ZC3H4: variants seen among roughly 807,000 people sequenced by gnomAD.
ZC3H4 encodes zinc finger CCCH-type containing 4, also known as zinc finger CCCH domain-containing protein 4.
ZC3H4 carries 13 observed loss-of-function variants against 108.3 expected under a neutral mutation model. The ratio of observed to expected loss-of-function variants is 0.12; its 90% confidence interval spans 0.08 to 0.19. The LOEUF (loss-of-function observed/expected upper bound fraction) is 0.19, where lower values mean the gene tolerates loss of function less well. ZC3H4 is among the 10% of genes least tolerant of loss of function. The probability of loss-of-function intolerance (pLI) is 1.00; values close to 1 mark genes in which losing one functional copy is unlikely to be tolerated. For missense variants in ZC3H4, 1,734 were observed against 1,838.8 expected (o/e 0.94, Z 1.04); for synonymous variants, 917 against 749.6 (o/e 1.22, Z -3.65).
intron 2 of ZC3H4, among the ~76,000 whole-genome samples, chr19:47,101,378 T>C (rs912735735): frequency 6.6e-6 from 1 of 151,272 alleles, no homozygotes; most frequent in Non-Finnish European, 1.5e-5. Context: ...GCAACACAGT[T>C]AGACCCCGTC....
chr19:47,110,200 A>T (rs906250514), intron 2 of ZC3H4, among the ~76,000 whole-genome samples: 1 of 152,074 alleles, frequency 6.6e-6, no homozygotes, highest in South Asian at 2.1e-4. Context: ...TACTTGAACC[A>T]ATCTTTTTTG....
rs764449574 is a variant in ZC3H4 at position 47,067,361 on chromosome 19, G to A, written c.2907C>T (p.Ser969=). Residue 969 remains serine (S), a synonymous_variant, in exon 15 of 15, where the codon AGC becomes AGT. Transcript: ENST00000253048. This position sits in a 1 kb window ranked among gnomAD's most constrained non-coding sequence, Gnocchi z 6.4. ...FSHIKKDVTL[S]KPSFARTVLW... The stretch of plus-strand genomic sequence containing the variant: ...GCACGGTGCGGGCGAAGCTGGGCTT[G>A]CTCAGGGTCACGTCCTTCTTGATGT... 1.9e-6 allele frequency: 3 copies of A among 1,606,720 alleles called. No individual in the cohort carries two copies. The highest frequency in any genetic ancestry group is 2.6e-6 in the Non-Finnish European group (3 of 1,175,926).
intron 2 of ZC3H4, among the ~76,000 whole-genome samples, chr19:47,095,935 T>G (rs16980830): frequency 0.011 from 1,694 of 152,224 alleles, 22 homozygotes; most frequent in African/African-American, 0.04. Flanking sequence ...CAAATGGAGC[T>G]ATCTCTGCGG....
rs753734389 is a variant in ZC3H4 at position 47,066,908 on chromosome 19, G to A, written c.3360C>T (p.Pro1120=). The change falls in exon 15 of 15, where the codon CCC becomes CCT. Residue 1120 remains proline, a synonymous_variant. Coordinates refer to ENST00000253048, the MANE Select transcript of ZC3H4 (RefSeq NM_015168.2). ...SGDASPPATA[P]YDPRVLAAGG... is the part of the protein sequence containing the mutation. ...CGGCCGCCAGCACGCGGGGGTCGTAGGGAGCGGTGGCTGGTGGGGAGGCAT... is the reference window on the plus strand; with the variant it reads ...CGGCCGCCAGCACGCGGGGGTCGTAAGGAGCGGTGGCTGGTGGGGAGGCAT... The A allele has an allele frequency of 4.4e-6, 7 of 1,597,026 alleles. No individual in the cohort carries two copies. Among genetic ancestry groups the A allele is most frequent in the Non-Finnish European group, 5.9e-6 (7 of 1,176,778 alleles).
chr19:47,099,750 TCTAGA>T (rs1309213555), intron 2 of ZC3H4, among the ~76,000 whole-genome samples: 2 of 149,214 alleles, frequency 1.3e-5, no homozygotes, highest in African/African-American at 2.5e-5. Context: ...ATGGCAGCTC[TCTAGA>T]CAAGAGGGTT....
In ZC3H4 at chr19:47,094,604, C is replaced by T; in HGVS notation, c.166G>A (p.Asp56Asn). Residue 56 changes from aspartate (D) to asparagine (N), a missense_variant, in exon 3 of 15, where the codon GAT becomes AAT. Physicochemically the swap from Asp to Asn is conservative, Grantham distance 23. This residue lies in a region of ZC3H4 where 112 missense variants were observed against 73.3 expected (regional missense o/e 1.53). Transcript: ENST00000253048. Reference protein sequence around the residue: ...HRLPLPDDREDGELEEGELED... With the variant: ...HRLPLPDDRENGELEEGELED... ...AATTCACCTTCTTCCAACTCTCCAT[C>T]TTCCCTACAAACAAACCCCAATCCC... 6.2e-7 allele frequency: 1 copy of T among 1,614,130 alleles called. No individual in the cohort carries two copies. Among genetic ancestry groups the T allele is most frequent in the Non-Finnish European group, 8.5e-7 (1 of 1,179,992 alleles).
chr19:47,111,363 C>G (rs904774284), intron 2 of ZC3H4, among the ~76,000 whole-genome samples: 2 of 152,144 alleles, frequency 1.3e-5, no homozygotes, highest in Non-Finnish European at 2.9e-5. Flanking sequence ...GGGGGGCCCG[C>G]GTTTCGGACT....
chr19:47,068,292 T>C (rs2057256669), intron 14 of ZC3H4, among the ~76,000 whole-genome samples: 1 of 152,216 alleles, frequency 6.6e-6, no homozygotes, highest in South Asian at 2.1e-4. Flanking sequence ...GCCCCCACTG[T>C]GGCAAGTCCA....
At chr19:47,113,279 AGGGGAG>A (rs2058064166) in intron 1 of ZC3H4, 1 of 153,398 alleles carries the variant, frequency 6.5e-6, no homozygotes, top group Admixed American at 6.5e-5. Context: ...GGCGAGGCCG[AGGGGAG>A]GCGGAAATAG....
At chr19:47,111,488 G>A (rs892427956) in intron 2 of ZC3H4, among the ~76,000 whole-genome samples, 9 of 152,186 alleles carry the variant, frequency 5.9e-5, no homozygotes, top group African/African-American at 1.9e-4. Flanking sequence ...GGGAACCCCA[G>A]GAGAAAGCGC....
In ZC3H4 at chr19:47,067,987, G is replaced by A. The variant is rs955559746; in HGVS notation, c.2399-118C>T. On this transcript the variant is annotated intron_variant, in intron 14 of 14. Transcript: ENST00000253048. The surrounding 1 kb of genome is among the most constrained non-coding windows in gnomAD (Gnocchi z 6.4). ...TTGCTTGTGCCTCTCAGAACCTCAG[G>A]TCCTCCTCTCTAAGGCTCCCTCCCC... The A allele has an allele frequency of 1.1e-5, 11 of 1,017,954 alleles. No homozygotes were observed. The African/African-American group carries it at 1.3e-4, about 12-fold the overall frequency. 63.1% of individuals were successfully genotyped at this position (1,017,954 alleles called of 1,614,324 possible).
rs1306533854 is a variant in ZC3H4, at chr19:47,081,573, A to T, written c.1380T>A (p.Gly460=). The T allele has an allele frequency of 1.2e-6, 2 of 1,614,212 alleles. No individual in the cohort carries two copies. The highest frequency in any genetic ancestry group is 2.7e-5 in the African/African-American group (2 of 75,062). Residue 460 remains glycine (G), a synonymous_variant, in exon 11 of 15, where the codon GGT becomes GGA. Coordinates refer to ENST00000253048, the MANE Select transcript of ZC3H4 (RefSeq NM_015168.2). ...LYHTTGNCIN[G]DDCMFSHDPL... is the part of the protein sequence containing the mutation. ...GGTCGTGGGAAAACATGCAGTCGTC[A>T]CCATTGATGCAGTTCCCAGTGGTGT...
intron 2 of ZC3H4, chr19:47,110,836 C>T: frequency 6.7e-6 from 6 of 893,834 alleles, no homozygotes; most frequent in Non-Finnish European, 6.7e-6. Flanking sequence ...GGCTGCGATT[C>T]CCAGGACGAT....
chr19:47,100,396 T>A (rs2057887741), intron 2 of ZC3H4, among the ~76,000 whole-genome samples: 1 of 152,244 alleles, frequency 6.6e-6, no homozygotes, highest in Admixed American at 6.5e-5. Context: ...TCAGGTGTCA[T>A]CATAGCCTGC....
At chr19:47,110,364 CAAGG>C (rs2058022258) in intron 2 of ZC3H4, among the ~76,000 whole-genome samples, 3 of 152,064 alleles carry the variant, frequency 2.0e-5, no homozygotes, top group Admixed American at 6.5e-5. Context: ...AGAAGGATGC[CAAGG>C]GTCTGAAAAC....
intron 9 of ZC3H4, 146 bp from the exon 10 acceptor site, chr19:47,082,441 G>A: frequency 6.2e-6 from 4 of 644,208 alleles, no homozygotes; most frequent in Non-Finnish European, 1.1e-5. Context: ...GAAGACAGGT[G>A]TAGGAAGGGC....
At position 47,067,126 on chromosome 19, in the gene ZC3H4, G is replaced by C; in HGVS notation, c.3142C>G (p.Arg1048Gly). The change falls in exon 15 of 15, where the codon CGC (arginine) becomes GGC (glycine). Residue 1048 changes from arginine to glycine, a missense_variant. Physicochemically the swap from Arg to Gly is moderately radical, Grantham distance 125 (BLOSUM62 -2). Coordinates refer to ENST00000253048, the MANE Select transcript of ZC3H4 (RefSeq NM_015168.2). The surrounding 1 kb of genome is among the most constrained non-coding windows in gnomAD (Gnocchi z 6.4). ...ANLPDFELLS[R>G]ILKTVNATGS... ...GTGGCATTGACTGTCTTGAGGATGCGAGACAGAAGTTCAAAGTCGGGGAGG... is the reference window on the plus strand; with the variant it reads ...GTGGCATTGACTGTCTTGAGGATGCCAGACAGAAGTTCAAAGTCGGGGAGG... 3 of 1,612,038 alleles carry C rather than the reference G, an allele frequency of 1.9e-6. No homozygotes were observed. Among genetic ancestry groups the C allele is most frequent in the Non-Finnish European group, 2.5e-6 (3 of 1,178,956 alleles).
At position 47,067,020 on chromosome 19, in the gene ZC3H4, T is replaced by C. The variant is rs867262463; in HGVS notation, c.3248A>G (p.Gln1083Arg). The C allele has an allele frequency of 6.3e-7, 1 of 1,597,894 alleles. No individual in the cohort carries two copies. The highest frequency in any genetic ancestry group is 1.7e-5 in the Admixed American group (1 of 58,214). Reference protein sequence around the residue: ...VRKAPTDPRLQKPTDSTASSR... With the variant: ...VRKAPTDPRLRKPTDSTASSR... ...GGAGGCCGTAGAGTCTGTGGGTTTC[T>C]GCAGCCGAGGGTCGGTGGGGGCCTT... Residue 1083 changes from glutamine (Q) to arginine (R), a missense_variant, in exon 15 of 15, where the codon CAG becomes CGG. Coordinates refer to ENST00000253048, the MANE Select transcript of ZC3H4 (RefSeq NM_015168.2). This position sits in a 1 kb window ranked among gnomAD's most constrained non-coding sequence, Gnocchi z 6.4.
At chr19:47,094,816 G>T (rs2057795398) in intron 2 of ZC3H4, among the ~76,000 whole-genome samples, 1 of 152,172 alleles carries the variant, frequency 6.6e-6, no homozygotes. Context: ...ACCTGGCTGG[G>T]GGAGGGGTAG....
Sources: allele counts gnomAD v4.1 joint callset (sites outside exome capture counted in the v4.1 genomes callset), GRCh38; gene constraint gnomAD v4.1.1; regional missense constraint gnomAD v4.1.1; non-coding constraint Gnocchi (gnomAD v3.1); transcripts MANE v1.5; gene names NCBI Gene and HGNC (gene_info 2026-07-23, HGNC 2026-07-21).